RUSC2: variants seen among roughly 807,000 people sequenced by gnomAD.
RUSC2 encodes RUN and SH3 domain containing 2.
RUSC2 carries 34 observed loss-of-function variants against 122.2 expected under a neutral mutation model. That is an observed-to-expected ratio of 0.28 (90% CI 0.21 to 0.37). RUSC2 has a LOEUF of 0.37. RUSC2 is among the 10% of genes least tolerant of loss of function. The pLI is 1.00. For synonymous variants in RUSC2, 784 were observed against 790.0 expected (o/e 0.99, Z 0.13); for missense variants, 1,747 against 1,952.4 (o/e 0.89, Z 1.98).
At chr9:35,550,499 G>A (rs973605846) in intron 2 of RUSC2, among the ~76,000 whole-genome samples, 2 of 151,714 alleles carry the variant, frequency 1.3e-5, no homozygotes, top group African/African-American at 2.4e-5. Context: ...GGTGGTGCAC[G>A]CCTGTAATCC....
intron 1 of RUSC2, among the ~76,000 whole-genome samples, chr9:35,513,335 T>C (rs932910727): frequency 1.3e-5 from 2 of 151,982 alleles, no homozygotes; most frequent in Non-Finnish European, 2.9e-5. Flanking sequence ...CTCCGCCTCC[T>C]GGGTTCAAGT....
chr9:35,517,685 C>T (rs540109770), intron 1 of RUSC2, among the ~76,000 whole-genome samples: 1 of 152,078 alleles, frequency 6.6e-6, no homozygotes, highest in East Asian at 1.9e-4. Flanking sequence ...GATTATAGGC[C>T]TGAAAGAAGG....
In RUSC2 at chr9:35,558,140, G is replaced by A. The variant is rs538939060; in HGVS notation, c.3061-57G>A. 354 of 1,595,002 alleles carry A rather than the reference G, an allele frequency of 2.2e-4. No homozygotes were observed. Among genetic ancestry groups the A allele is most frequent in the Middle Eastern group, 3.7e-4 (2 of 5,366 alleles). On this transcript the variant is annotated intron_variant, in intron 6 of 11. Coordinates refer to ENST00000361226, the MANE Select transcript of RUSC2 (RefSeq NM_014806.5). The surrounding 1 kb of genome is among the most constrained non-coding windows in gnomAD (Gnocchi z 4.3). ...GAGGGGAACCATGAGGGCCTGCTAC[G>A]AGAGGACCACAGTCAGGCCTGAGGG...
intron 1 of RUSC2, among the ~76,000 whole-genome samples, chr9:35,504,461 T>G (rs966996498): frequency 2.0e-4 from 29 of 145,190 alleles, no homozygotes; most frequent in African/African-American, 3.3e-4. Context: ...GTTTTTTGGG[T>G]TTTTTTTCTT....
intron 1 of RUSC2, among the ~76,000 whole-genome samples, chr9:35,532,844 T>A (rs1029127325): frequency 1.3e-5 from 2 of 151,832 alleles, no homozygotes; most frequent in Non-Finnish European, 2.9e-5. Context: ...TTAAAAATGA[T>A]AACTGCTTCA....
At chr9:35,553,189 G>A (rs772936590) in intron 2 of RUSC2, among the ~76,000 whole-genome samples, 19 of 152,208 alleles carry the variant, frequency 1.2e-4, no homozygotes, top group African/African-American at 4.3e-4. Context: ...AGCCTAGCTC[G>A]TAGCAGGTGT....
At chr9:35,536,165 T>C (rs2132536784) in intron 1 of RUSC2, among the ~76,000 whole-genome samples, 1 of 140,168 alleles carries the variant, frequency 7.1e-6, no homozygotes, top group East Asian at 2.1e-4. Context: ...AGTATGCTTT[T>C]TCTTATAAAA....
At chr9:35,506,997 A>G (rs978873943) in intron 1 of RUSC2, among the ~76,000 whole-genome samples, 14 of 152,092 alleles carry the variant, frequency 9.2e-5, no homozygotes, top group African/African-American at 2.9e-4. Flanking sequence ...GCACACCTGT[A>G]GTCCCAGCTA....
At chr9:35,493,531 T>C (rs1478134859) in intron 1 of RUSC2, among the ~76,000 whole-genome samples, 3 of 151,984 alleles carry the variant, frequency 2.0e-5, no homozygotes, top group Admixed American at 1.3e-4. Flanking sequence ...TGAAACAGAG[T>C]CTCCCTCCAT....
intron 1 of RUSC2, among the ~76,000 whole-genome samples, chr9:35,541,919 TATATC>T (rs901715178): frequency 3.1e-4 from 46 of 148,450 alleles, no homozygotes; most frequent in African/African-American, 1.1e-3. Context: ...AAATTATTTT[TATATC>T]ATATAACATT....
chr9:35,549,166 G>T, intron 2 of RUSC2: 1 of 985,404 alleles, frequency 1.0e-6, no homozygotes, highest in Non-Finnish European at 1.2e-6. Flanking sequence ...ATGGATAGGG[G>T]CTGTAATCAC....
intron 1 of RUSC2, among the ~76,000 whole-genome samples, chr9:35,499,867 A>C (rs1390434111): frequency 1.3e-5 from 2 of 152,174 alleles, no homozygotes; most frequent in East Asian, 3.8e-4. Flanking sequence ...AAAAGCAAAA[A>C]CTGCAGGGGA....
chr9:35,533,755 A>G (rs1205708261), intron 1 of RUSC2, among the ~76,000 whole-genome samples: 2 of 152,164 alleles, frequency 1.3e-5, no homozygotes, highest in East Asian at 3.8e-4. Flanking sequence ...TTCACCTAGC[A>G]TGTTTTCAAG....
intron 10 of RUSC2, 45 bp from the exon 11 acceptor site, chr9:35,560,915 C>G: frequency 6.2e-7 from 1 of 1,601,278 alleles, no homozygotes; most frequent in East Asian, 2.2e-5. Context: ...AGGGCACGGG[C>G]AGAGCCCATC....
In RUSC2 at chr9:35,556,530, A is replaced by ACCTCTAAATGCTGGCTGGGC. The variant is rs1822024550; in HGVS notation, c.2983+89_2983+90insATGCTGGCTGGGCCCTCTAA. 2.3e-6 allele frequency: 3 copies of ACCTCTAAATGCTGGCTGGGC among 1,327,974 alleles called. No individual in the cohort carries two copies. In the Admixed American group the frequency reaches 6.4e-5, roughly 28 times the overall value. The allele number at this position is 1,327,974 out of a possible 1,614,324, so 82.3% of individuals were successfully genotyped here. On this transcript the variant is annotated intron_variant, in intron 5 of 11. Coordinates refer to ENST00000361226, the MANE Select transcript of RUSC2 (RefSeq NM_014806.5). ...TGCCCTACTACCTAGCCAGTCTGAA[A>ACCTCTAAATGCTGGCTGGGC]CCTCTAAGTGCTGGCTGGGCCCAGT...
In RUSC2 at chr9:35,546,659, C is replaced by T; in HGVS notation, c.138C>T (p.Cys46=). Residue 46 remains cysteine (C), a synonymous_variant, in exon 2 of 12, where the codon TGC becomes TGT. Transcript: ENST00000361226. This position sits in a 1 kb window ranked among gnomAD's most constrained non-coding sequence, Gnocchi z 4.3. The part of the protein sequence containing the change: ...GGGSTRPNPF[C]PPELGITQPD... Reference sequence around the variant, plus strand: ...GGAGCACAAGACCTAATCCCTTCTGCCCACCTGAGCTGGGCATCACCCAGC... The same window carrying T: ...GGAGCACAAGACCTAATCCCTTCTGTCCACCTGAGCTGGGCATCACCCAGC... 1.9e-6 allele frequency: 3 copies of T among 1,571,336 alleles called. No individual in the cohort carries two copies. The South Asian group carries it at 3.6e-5, about 19-fold the overall frequency.
intron 1 of RUSC2, among the ~76,000 whole-genome samples, chr9:35,542,719 T>C (rs867046041): frequency 2.6e-5 from 4 of 152,340 alleles, no homozygotes; most frequent in South Asian, 2.1e-4. Context: ...GTCTGGGAGA[T>C]AGATATGTCA....
intron 1 of RUSC2, among the ~76,000 whole-genome samples, chr9:35,543,381 C>T (rs550734241): frequency 2.0e-5 from 3 of 152,032 alleles, no homozygotes; most frequent in Non-Finnish European, 4.4e-5. Flanking sequence ...ATGATCGCAC[C>T]ACTGCACTCC....
chr9:35,561,761 T>TAAGCC lies in RUSC2; in HGVS notation c.*380_*384dup, dbSNP rs1309041400. The TAAGCC allele has an allele frequency of 1.8e-6, 1 of 550,978 alleles. No individual in the cohort carries two copies. Among genetic ancestry groups the TAAGCC allele is most frequent in the African/African-American group, 1.9e-5 (1 of 53,196 alleles). 34.1% of individuals were successfully genotyped at this position (550,978 alleles called of 1,614,324 possible). A position where few individuals can be genotyped will look rare whatever the true frequency, so the allele number is the denominator to read the frequency against. On this transcript the variant is annotated 3_prime_UTR_variant, in exon 12 of 12. Transcript: ENST00000361226. ...GGTAACAGTATTGGGGCCAGATCCCTAAGCCCCCCAGCTGTAAATAGGCTG... is the reference window on the plus strand; with the variant it reads ...GGTAACAGTATTGGGGCCAGATCCCTAAGCCAAGCCCCCCAGCTGTAAATAGGCTG...
Sources: gnomAD v4.1 joint callset for allele counts (sites outside exome capture counted in the v4.1 genomes callset) on GRCh38, gnomAD v4.1.1 for gene constraint, Gnocchi (gnomAD v3.1) non-coding constraint, MANE v1.5 for transcripts, NCBI Gene and HGNC (gene_info 2026-07-23, HGNC 2026-07-21) for gene names.